The following NLGN4X variants were observed in gnomAD, a reference collection of about 807,000 sequenced individuals.
The protein encoded by NLGN4X is neuroligin 4 X-linked.
Under a neutral mutation model 40.3 loss-of-function variants are expected in NLGN4X, and 3 were observed. The ratio of observed to expected loss-of-function variants is 0.07; its 90% confidence interval spans 0.03 to 0.19. The LOEUF is 0.19. NLGN4X is among the 10% of genes least tolerant of loss of function. The probability of loss-of-function intolerance (pLI) is 1.00; values close to 1 mark genes in which losing one functional copy is unlikely to be tolerated. For synonymous variants in NLGN4X, 270 were observed against 306.8 expected, an observed-to-expected ratio of 0.88 and a Z score of 1.25; for missense variants, 382 against 708.3, an observed-to-expected ratio of 0.54 and a Z score of 5.23.
chrX:6,050,621 C>T (rs188437293), intron 2 of NLGN4X, among the ~76,000 whole-genome samples: 205 of 111,337 alleles, frequency 1.8e-3, no homozygotes, highest in Non-Finnish European at 2.7e-3. Flanking sequence ...CTACCTATAT[C>T]TATCATCTCT....
chrX:5,915,082 T>C (rs1192956871), intron 3 of NLGN4X, among the ~76,000 whole-genome samples: 1 of 112,638 alleles, frequency 8.9e-6, no homozygotes, highest in Non-Finnish European at 1.9e-5. Context: ...ATTTTTAGTT[T>C]TTACTTAAAA....
intron 4 of NLGN4X, among the ~76,000 whole-genome samples, chrX:5,907,887 G>A (rs1024252426): frequency 9.3e-6 from 1 of 107,297 alleles, no homozygotes; most frequent in African/African-American, 3.4e-5. Context: ...GGGAGGGAGA[G>A]AGAGAGAAAG....
chrX:6,142,651 T>C (rs1253922971), intron 2 of NLGN4X, among the ~76,000 whole-genome samples: 1 of 112,420 alleles, frequency 8.9e-6, no homozygotes. Flanking sequence ...ACAATTGGAC[T>C]TTGTGTGTCT....
chrX:6,144,973 C>T (rs1480230943), intron 2 of NLGN4X, among the ~76,000 whole-genome samples: 3 of 111,051 alleles, frequency 2.7e-5, no homozygotes, highest in Non-Finnish European at 5.7e-5. Context: ...ACTTTTCTGC[C>T]TACAAGTACC....
chrX:6,017,103 T>C (rs760997037), intron 3 of NLGN4X, among the ~76,000 whole-genome samples: 1 of 111,614 alleles, frequency 9.0e-6, no homozygotes, highest in Admixed American at 9.5e-5. Flanking sequence ...ACGCTGGATG[T>C]AAGTTGTTTC....
intron 2 of NLGN4X, among the ~76,000 whole-genome samples, chrX:6,095,917 T>G (rs1569234861): frequency 1.8e-5 from 2 of 112,162 alleles, no homozygotes; most frequent in Admixed American, 9.4e-5. Flanking sequence ...ATGCATCACC[T>G]GTTTATAGCC....
At chrX:5,953,633 A>G (rs1221688615) in intron 3 of NLGN4X, among the ~76,000 whole-genome samples, 3 of 111,971 alleles carry the variant, frequency 2.7e-5, no homozygotes, top group African/African-American at 9.7e-5. Context: ...AGTGAAAGAC[A>G]TCATTGTGTG....
chrX:6,047,936 C>T (rs1309901313), intron 2 of NLGN4X, among the ~76,000 whole-genome samples: 1 of 111,387 alleles, frequency 9.0e-6, no homozygotes, highest in South Asian at 3.8e-4. Context: ...CAAACATGCT[C>T]AAAGCAGCAT....
chrX:5,946,145 G>T (rs776840066), intron 3 of NLGN4X, among the ~76,000 whole-genome samples: 1 of 111,076 alleles, frequency 9.0e-6, no homozygotes, highest in African/African-American at 3.3e-5. Flanking sequence ...TCTGTGCCTT[G>T]TGGGTCCCTT....
intron 3 of NLGN4X, among the ~76,000 whole-genome samples, chrX:5,968,251 C>G (rs901474866): frequency 6.5e-5 from 7 of 107,309 alleles, no homozygotes; most frequent in Admixed American, 5.1e-4. Context: ...AGAATTGACA[C>G]TCTTAATGGG....
intron 2 of NLGN4X, among the ~76,000 whole-genome samples, chrX:6,097,748 C>T (rs753346210): frequency 8.9e-6 from 1 of 111,757 alleles, no homozygotes; most frequent in East Asian, 2.8e-4. Context: ...TTCAGGGACA[C>T]TCCCTCATTC....
rs755401520 is a variant in NLGN4X at position 6,198,571 on chromosome X, G to A, written c.-306+29970C>T. Among the ~76,000 whole-genome samples the A allele has an allele frequency of 6.3e-5, 7 of 111,934 alleles. No homozygotes were observed. The East Asian group carries it at 1.7e-3, about 27-fold the overall frequency. On this transcript the variant is annotated intron_variant, in intron 1 of 5. Transcript: ENST00000381095. Reference sequence around the variant, plus strand: ...ATCCCTCTCCTCAGGGTCTTTCAGGGAGCGCATCATTAAGGCAAGTGCTTA... The same window carrying A: ...ATCCCTCTCCTCAGGGTCTTTCAGGAAGCGCATCATTAAGGCAAGTGCTTA...
At chrX:6,176,664 C>A (rs1264857258) in intron 1 of NLGN4X, among the ~76,000 whole-genome samples, 4 of 111,903 alleles carry the variant, frequency 3.6e-5, no homozygotes, top group Non-Finnish European at 7.5e-5. Flanking sequence ...ATTGAAGGTG[C>A]AGAAAGGAAC....
intron 2 of NLGN4X, among the ~76,000 whole-genome samples, chrX:6,086,343 T>G (rs569491823): frequency 8.9e-6 from 1 of 112,348 alleles, no homozygotes; most frequent in South Asian, 3.7e-4. Flanking sequence ...ATGTAGGGTA[T>G]TTCTTATTCC....
At chrX:6,164,837 C>T (rs1352919278) in intron 1 of NLGN4X, among the ~76,000 whole-genome samples, 2 of 111,673 alleles carry the variant, frequency 1.8e-5, no homozygotes, top group Admixed American at 1.9e-4. Context: ...ACGGCTCTAT[C>T]TGAGAAGTTC....
intron 2 of NLGN4X, among the ~76,000 whole-genome samples, chrX:6,081,133 C>G (rs5916290): frequency 0.47 from 52,172 of 110,152 alleles, 9,039 homozygotes; most frequent in Admixed American, 0.52. Context: ...TACCAAAAAA[C>G]AAAAATTATC....
At chrX:6,198,415 T>C (rs756878350) in intron 1 of NLGN4X, among the ~76,000 whole-genome samples, 1 of 111,963 alleles carries the variant, frequency 8.9e-6, no homozygotes, top group East Asian at 2.8e-4. Flanking sequence ...GTTATCCCTT[T>C]ATATCAACAG....
At chrX:6,135,971 A>G (rs2039810257) in intron 2 of NLGN4X, among the ~76,000 whole-genome samples, 1 of 112,628 alleles carries the variant, frequency 8.9e-6, no homozygotes, top group African/African-American at 3.2e-5. Context: ...TTCCTAAGTA[A>G]TTAAGGATTG....
In NLGN4X at chrX:6,060,949, C is replaced by T. The variant is rs191735044; in HGVS notation, c.473-31517G>A. 2.7e-5 allele frequency among the ~76,000 whole-genome samples: 3 copies of T among 111,633 alleles called. No individual in the cohort carries two copies. In the East Asian group the frequency reaches 8.5e-4, roughly 31 times the overall value. On this transcript the variant is annotated intron_variant, in intron 2 of 5. Transcript: ENST00000381095. ...TCCACACCTCTCAAGGGGACAAATA[C>T]ACACTTGCAAGACTTTCCCTGTCCC...
Sources: gnomAD v4.1 joint callset for allele counts (sites outside exome capture counted in the v4.1 genomes callset) on GRCh38, gnomAD v4.1.1 for gene constraint, MANE v1.5 for transcripts, NCBI Gene and HGNC (gene_info 2026-07-23, HGNC 2026-07-21) for gene names.